Variants in ANO3 observed in about 807,000 individuals in gnomAD.
ANO3 encodes anoctamin 3, also known as anoctamin-3.
In ANO3, 99 loss-of-function variants were observed where a neutral mutation model predicts 144.8. That is an observed-to-expected ratio of 0.68 (90% CI 0.58 to 0.81). The LOEUF is 0.81. Among genes scored for constraint, ANO3 ranks in the 30% least tolerant of loss-of-function variants. The probability of loss-of-function intolerance (pLI) is 0.00; values close to 1 mark genes in which losing one functional copy is unlikely to be tolerated. For synonymous variants in ANO3, 414 were observed against 392.6 expected (o/e 1.05, Z -0.64); for missense variants, 905 against 1,202.2 (o/e 0.75, Z 3.66).
intron 1 of ANO3, among the ~76,000 whole-genome samples, chr11:26,249,571 T>A (rs2045701): frequency 0.42 from 64,185 of 151,104 alleles, 14,391 homozygotes; most frequent in Admixed American, 0.5. Flanking sequence ...TGATTTTTTT[T>A]AAAAAAAAGG....
Position 26,427,062 on chromosome 11 carries a change from T to C in ANO3, c.47-14856T>C, listed in dbSNP as rs183016393. ...GAGCCCTGTGCTGACTTTGCTATAG[T>C]GTTTTAGCTTGTGAAAGTCTCTGGA... On this transcript the variant is annotated intron_variant, in intron 1 of 26. Transcript: ENST00000256737. The C allele has an allele frequency of 8.9e-5, 15 of 169,008 alleles. No individual in the cohort carries two copies. In the East Asian group the frequency reaches 2.0e-3, roughly 22 times the overall value. 10.5% of individuals were successfully genotyped at this position (169,008 alleles called of 1,614,324 possible).
rs1317106495 is a variant in ANO3, at chr11:26,662,165, A to G, written c.*1721A>G. On this transcript the variant is annotated 3_prime_UTR_variant, in exon 27 of 27. Coordinates refer to ENST00000256737, the MANE Select transcript of ANO3 (RefSeq NM_031418.4). ...TCTCCAGAAGAAACATGGATAGATG[A>G]TAGCTGTTTCATTGTTTGTTTTTGT... 6.6e-6 allele frequency: 1 copy of G among 152,020 alleles called. No homozygotes were observed. The highest frequency in any genetic ancestry group is 1.5e-5 in the Non-Finnish European group (1 of 67,970). 9.4% of individuals were successfully genotyped at this position (152,020 alleles called of 1,614,324 possible). A position where few individuals can be genotyped will look rare whatever the true frequency, so the allele number is the denominator to read the frequency against.
At chr11:26,602,820 C>G (rs915175069) in intron 17 of ANO3, among the ~76,000 whole-genome samples, 6 of 151,784 alleles carry the variant, frequency 4.0e-5, no homozygotes. Context: ...TAATTTTGTA[C>G]CCATTGATCA....
chr11:26,229,219 G>C (rs964331679), intron 1 of ANO3, among the ~76,000 whole-genome samples: 11 of 152,126 alleles, frequency 7.2e-5, no homozygotes, highest in Admixed American at 5.2e-4. Flanking sequence ...GTGTTAGTGA[G>C]ATTCAAAACA....
At position 26,662,468 on chromosome 11, in the gene ANO3, A is replaced by C. The variant is rs1468035615; in HGVS notation, c.*2024A>C. On this transcript the variant is annotated 3_prime_UTR_variant, in exon 27 of 27. Transcript: ENST00000256737. ...TGAGTATAAATACTCTCTCTACCTA[A>C]TAATAACATCAACCAACATCTTTTC... 2 of 152,026 alleles carry C rather than the reference A, an allele frequency of 1.3e-5. No individual in the cohort carries two copies. The highest frequency in any genetic ancestry group is 2.4e-5 in the African/African-American group (1 of 41,422). 9.4% of individuals were successfully genotyped at this position (152,026 alleles called of 1,614,324 possible).
chr11:26,510,992 C>T (rs1164763924), intron 5 of ANO3, among the ~76,000 whole-genome samples: 1 of 152,144 alleles, frequency 6.6e-6, no homozygotes, highest in Non-Finnish European at 1.5e-5. Flanking sequence ...TACTCTTATT[C>T]CTGAACAGAG....
chr11:26,308,075 C>T (rs919177070), upstream of ANO3, among the ~76,000 whole-genome samples: 2 of 152,154 alleles, frequency 1.3e-5, no homozygotes, highest in Non-Finnish European at 2.9e-5. Flanking sequence ...TTTATTATGG[C>T]TTTTCTGAAC....
intron 1 of ANO3, among the ~76,000 whole-genome samples, chr11:26,266,594 C>A (rs935915580): frequency 3.3e-5 from 5 of 151,642 alleles, no homozygotes; most frequent in East Asian, 2.0e-4. Flanking sequence ...CCACCAAACC[C>A]CGGCTAATTT....
chr11:26,358,759 A>G (rs1205691847), intron 1 of ANO3, among the ~76,000 whole-genome samples: 1 of 152,012 alleles, frequency 6.6e-6, no homozygotes, highest in Non-Finnish European at 1.5e-5. Flanking sequence ...GTTTTCCTTC[A>G]GTCCACTCAT....
chr11:26,569,886 G>T (rs977603276), intron 14 of ANO3, among the ~76,000 whole-genome samples: 2 of 152,012 alleles, frequency 1.3e-5, no homozygotes, highest in African/African-American at 4.8e-5. Context: ...AAGTAGAATT[G>T]CAGAGGGAGA....
intron 1 of ANO3, among the ~76,000 whole-genome samples, chr11:26,387,268 G>A (rs1253364287): frequency 6.6e-6 from 1 of 151,340 alleles, no homozygotes; most frequent in Non-Finnish European, 1.5e-5. Flanking sequence ...CACCACCCAC[G>A]GCCTTTCAAG....
intron 1 of ANO3, among the ~76,000 whole-genome samples, chr11:26,197,302 G>C (rs1238868962): frequency 6.6e-6 from 1 of 152,170 alleles, no homozygotes; most frequent in Non-Finnish European, 1.5e-5. Flanking sequence ...AACACTGTCT[G>C]TATTGAATGA....
intron 7 of ANO3, among the ~76,000 whole-genome samples, chr11:26,530,779 G>A (rs1180519822): frequency 6.6e-6 from 1 of 152,084 alleles, no homozygotes; most frequent in African/African-American, 2.4e-5. Context: ...TGAGGCAGGA[G>A]AATCGCTTGA....
chr11:26,456,258 A>C (rs1048679780), intron 3 of ANO3, among the ~76,000 whole-genome samples: 6 of 152,208 alleles, frequency 3.9e-5, no homozygotes, highest in Admixed American at 6.5e-5. Flanking sequence ...TCTGCACAGC[A>C]AAAGAAACTA....
rs117748217 is a variant in ANO3 at position 26,660,309 on chromosome 11, C to T, written c.2811C>T (p.Asp937=). ...IKSFIAYLIP[D]VPKGLHDRIR... is the part of the protein sequence containing the mutation. ...CATTCATCGCATACCTGATTCCAGACGTACCAAAGGGTCTACATGACCGAA... is the reference window on the plus strand; with the variant it reads ...CATTCATCGCATACCTGATTCCAGATGTACCAAAGGGTCTACATGACCGAA... The change falls in exon 27 of 27, where the codon GAC becomes GAT. Residue 937 remains aspartate (D), a synonymous_variant. Transcript: ENST00000256737. 15,245 of 1,613,220 alleles carry T rather than the reference C, an allele frequency of 9.5e-3. 122 individuals are homozygous for T. The highest frequency in any genetic ancestry group is 0.037 in the Middle Eastern group (221 of 6,052).
chr11:26,441,819 T>G, intron 1 of ANO3, 99 bp from the exon 2 acceptor site: 1 of 818,170 alleles, frequency 1.2e-6, no homozygotes, highest in Admixed American at 2.4e-5. Flanking sequence ...CACTTTTCAA[T>G]AGTTCATTCC....
intron 1 of ANO3, among the ~76,000 whole-genome samples, chr11:26,361,464 T>C (rs1217849625): frequency 6.6e-6 from 1 of 152,214 alleles, no homozygotes; most frequent in Non-Finnish European, 1.5e-5. Context: ...TGTAATATAA[T>C]TGATGATGTA....
intron 1 of ANO3, among the ~76,000 whole-genome samples, chr11:26,398,464 A>G (rs1248261960): frequency 6.6e-6 from 1 of 152,134 alleles, no homozygotes; most frequent in African/African-American, 2.4e-5. Flanking sequence ...CATGAACCAA[A>G]GCAATTTTAA....
chr11:26,615,831 G>T (rs534987368), intron 17 of ANO3, among the ~76,000 whole-genome samples: 1 of 151,794 alleles, frequency 6.6e-6, no homozygotes, highest in South Asian at 2.1e-4. Context: ...TTCTTTGATC[G>T]TCCTAAATTC....
Sources: gnomAD v4.1 joint callset for allele counts (sites outside exome capture counted in the v4.1 genomes callset) on GRCh38, gnomAD v4.1.1 for gene constraint, MANE v1.5 for transcripts, NCBI Gene and HGNC (gene_info 2026-07-23, HGNC 2026-07-21) for gene names.